Variants in MYO1D observed in about 807,000 individuals in gnomAD.
The protein encoded by MYO1D is myosin ID.
MYO1D carries 83 observed loss-of-function variants against 122.0 expected under a neutral mutation model. That is an observed-to-expected ratio of 0.68 (90% CI 0.57 to 0.82). The LOEUF (loss-of-function observed/expected upper bound fraction) is 0.82, where lower values mean the gene tolerates loss of function less well. Among genes scored for constraint, MYO1D ranks in the 40% least tolerant of loss-of-function variants. The pLI, the probability that MYO1D is intolerant of heterozygous loss-of-function variation, is 0.00. For synonymous variants in MYO1D, 464 were observed against 446.9 expected, an observed-to-expected ratio of 1.04 and a Z score of -0.48; for missense variants, 1,157 against 1,269.5, an observed-to-expected ratio of 0.91 and a Z score of 1.35.
chr17:32,676,956 G>A (rs1336172985), intron 16 of MYO1D, among the ~76,000 whole-genome samples: 1 of 151,736 alleles, frequency 6.6e-6, no homozygotes, highest in East Asian at 1.9e-4. Context: ...GACTACAGGC[G>A]CCCACCACCA....
intron 1 of MYO1D, among the ~76,000 whole-genome samples, chr17:32,791,816 A>T (rs1422620761): frequency 1.3e-5 from 2 of 152,208 alleles, no homozygotes; most frequent in Non-Finnish European, 2.9e-5. Flanking sequence ...TCTTAGTAAA[A>T]GACTCAAAAG....
Position 32,815,851 on chromosome 17 carries a change from A to G in MYO1D, c.96-35067T>C, listed in dbSNP as rs186801972. Among the ~76,000 whole-genome samples, 5 of 152,356 alleles carry G rather than the reference A, an allele frequency of 3.3e-5. No homozygotes were observed. In the East Asian group the frequency reaches 7.7e-4, roughly 23 times the overall value. ...CCCCAGTTTCTAGGTACATTTTCCTATGTAAATTTCGGGGTTGTATTCTCT... is the reference window on the plus strand; with the variant it reads ...CCCCAGTTTCTAGGTACATTTTCCTGTGTAAATTTCGGGGTTGTATTCTCT... On this transcript the variant is annotated intron_variant, in intron 1 of 21. Coordinates refer to ENST00000318217, the MANE Select transcript of MYO1D (RefSeq NM_015194.3).
At chr17:32,689,968 C>T (rs1319963488) in intron 16 of MYO1D, among the ~76,000 whole-genome samples, 1 of 151,992 alleles carries the variant, frequency 6.6e-6, no homozygotes, top group Non-Finnish European at 1.5e-5. Context: ...TCAGGTTATC[C>T]ACCCGCCACA....
chr17:32,644,646 T>A (rs1050711853), intron 19 of MYO1D, among the ~76,000 whole-genome samples: 1 of 152,250 alleles, frequency 6.6e-6, no homozygotes, highest in African/African-American at 2.4e-5. Flanking sequence ...TCTTGTTGAA[T>A]TGATCCCTTT....
chr17:32,527,607 A>G (rs1173839314), intron 21 of MYO1D, among the ~76,000 whole-genome samples: 1 of 151,906 alleles, frequency 6.6e-6, no homozygotes, highest in South Asian at 2.1e-4. Context: ...GGCCTGGGCA[A>G]CATAGTGAGA....
At chr17:32,857,876 G>A (rs935242010) in intron 1 of MYO1D, among the ~76,000 whole-genome samples, 3 of 151,996 alleles carry the variant, frequency 2.0e-5, no homozygotes, top group Non-Finnish European at 4.4e-5. Context: ...CTACTTTCGG[G>A]GGTTACATAT....
Position 32,695,635 on chromosome 17 carries a change from C to T in MYO1D, c.2121+16353G>A, listed in dbSNP as rs141404075. On this transcript the variant is annotated intron_variant, in intron 16 of 21. Transcript: ENST00000318217. The stretch of plus-strand genomic sequence containing the variant: ...CTGCTACAACAATGTAACAAATACC[C>T]CTATGCACAGCTGAGCTTGTAAGAA... Among the ~76,000 whole-genome samples the T allele has an allele frequency of 1.0e-3, 156 of 152,256 alleles. 1 individual carries two copies. The East Asian group carries it at 0.028, about 27-fold the overall frequency.
chr17:32,515,845 T>C (rs1909873520), intron 21 of MYO1D, among the ~76,000 whole-genome samples: 1 of 152,158 alleles, frequency 6.6e-6, no homozygotes, highest in Non-Finnish European at 1.5e-5. Flanking sequence ...AGAAACAAAT[T>C]GCCCACTTTC....
In MYO1D at chr17:32,560,491, G is replaced by T. The variant is rs1250221086; in HGVS notation, c.2864+44596C>A. On this transcript the variant is annotated intron_variant, in intron 21 of 21. Transcript: ENST00000318217. ...GCAAGAAAGAAATGTATGTTATGGA[G>T]ATATTTAAGTAAAAAAAAAGTAATA... 2.5e-5 allele frequency among the ~76,000 whole-genome samples: 3 copies of T among 120,058 alleles called. No individual in the cohort carries two copies. The East Asian group carries it at 7.7e-4, about 31-fold the overall frequency. The allele number at this position is 120,058 out of a possible 152,430, so 78.8% of individuals were successfully genotyped here. A position where few individuals can be genotyped will look rare whatever the true frequency, so the allele number is the denominator to read the frequency against.
intron 1 of MYO1D, among the ~76,000 whole-genome samples, chr17:32,785,113 G>A (rs1010087662): frequency 6.6e-6 from 1 of 152,128 alleles, no homozygotes; most frequent in Non-Finnish European, 1.5e-5. Context: ...GGGGAAACTG[G>A]ACAGAATCTT....
chr17:32,732,927 G>A (rs138428486), intron 14 of MYO1D, among the ~76,000 whole-genome samples: 6 of 152,320 alleles, frequency 3.9e-5, no homozygotes, highest in Non-Finnish European at 7.4e-5. Context: ...GGGCACCACT[G>A]CATTCCCCAG....
chr17:32,539,794 G>A (rs1473406379), intron 21 of MYO1D, among the ~76,000 whole-genome samples: 1 of 152,172 alleles, frequency 6.6e-6, no homozygotes, highest in Non-Finnish European at 1.5e-5. Flanking sequence ...ATTAGAACAT[G>A]AACATCTCTT....
rs781483463 is a variant in MYO1D, at chr17:32,721,143, G to T, written c.1793C>A (p.Pro598Gln). The change falls in exon 15 of 22, where the codon CCA becomes CAA. Residue 598 changes from proline to glutamine, a missense_variant. By Grantham distance (76) the Pro-to-Gln change is moderately conservative (BLOSUM62 -1). Coordinates refer to ENST00000318217, the MANE Select transcript of MYO1D (RefSeq NM_015194.3). Reference protein sequence around the residue: ...RCIKPNDKKSPQIFDDERCRH... With the variant: ...RCIKPNDKKSQQIFDDERCRH... ...GCAGCGTTCATCATCAAATATCTGT[G>T]GAGATTTCTTGTCATTGGGTTTGAT... 2 of 1,613,978 alleles carry T rather than the reference G, an allele frequency of 1.2e-6. No homozygotes were observed. The highest frequency in any genetic ancestry group is 2.2e-5 in the East Asian group (1 of 44,872).
In MYO1D at chr17:32,605,115, C is replaced by T. The variant is rs551988145; in HGVS notation, c.2836G>A (p.Val946Ile). Residue 946 changes from valine (V) to isoleucine (I), a missense_variant, in exon 21 of 22, where the codon GTT becomes ATT. Transcript: ENST00000318217. Reference sequence around the variant, plus strand: ...TTGAAATGATTCACCAGCACTCCAACAAGTTCTCCAATTCGACTCTCATGG... The same window carrying T: ...TTGAAATGATTCACCAGCACTCCAATAAGTTCTCCAATTCGACTCTCATGG... Reference protein sequence around the residue: ...PTHESRIGELVGVLVNHFKSE... With the variant: ...PTHESRIGELIGVLVNHFKSE... The T allele has an allele frequency of 6.2e-7, 1 of 1,602,126 alleles. No individual in the cohort carries two copies. Among genetic ancestry groups the T allele is most frequent in the East Asian group, 2.2e-5 (1 of 44,538 alleles).
At chr17:32,842,886 C>CTTTTTTTTTTTTT (rs34927176) in intron 1 of MYO1D, among the ~76,000 whole-genome samples, 2 of 104,458 alleles carry the variant, frequency 1.9e-5, no homozygotes, top group Admixed American at 1.1e-4. Flanking sequence ...CTATTTCTTT[C>CTTTTTTTTTTTTT]TTTTTTTTTT....
chr17:32,863,505 G>T (rs956259045), intron 1 of MYO1D, among the ~76,000 whole-genome samples: 1 of 152,208 alleles, frequency 6.6e-6, no homozygotes, highest in Non-Finnish European at 1.5e-5. Flanking sequence ...ATTAAGAGGG[G>T]AAAGGGAATT....
intron 21 of MYO1D, among the ~76,000 whole-genome samples, chr17:32,521,305 G>A (rs1301102552): frequency 6.6e-6 from 1 of 152,102 alleles, no homozygotes; most frequent in Non-Finnish European, 1.5e-5. Flanking sequence ...GGGAAGAGAA[G>A]GCTCAAAAAA....
At position 32,818,125 on chromosome 17, in the gene MYO1D, C is replaced by CA. The variant is rs58466009; in HGVS notation, c.96-37342dup. On this transcript the variant is annotated intron_variant, in intron 1 of 21. Transcript: ENST00000318217. Reference sequence around the variant, plus strand: ...TGGGCGACAGAGCGAGACTCCGTCTCAAAAAAAAAAAAAAAAAAAAGAGGT... The same window carrying CA: ...TGGGCGACAGAGCGAGACTCCGTCTCAAAAAAAAAAAAAAAAAAAAAGAGGT... Among the ~76,000 whole-genome samples the CA allele has an allele frequency of 6.5e-3, 298 of 45,886 alleles. 25 individuals carry two copies. The highest frequency in any genetic ancestry group is 0.017 in the South Asian group (20 of 1,190). The allele number at this position is 45,886 out of a possible 152,430, so 30.1% of individuals were successfully genotyped here.
At chr17:32,730,844 T>C (rs1291242967) in intron 14 of MYO1D, among the ~76,000 whole-genome samples, 1 of 152,102 alleles carries the variant, frequency 6.6e-6, no homozygotes, top group Non-Finnish European at 1.5e-5. Context: ...TCTATCCATT[T>C]TCTCTTCTAT....
Sources: allele counts gnomAD v4.1 joint callset (sites outside exome capture counted in the v4.1 genomes callset), GRCh38; gene constraint gnomAD v4.1.1; transcripts MANE v1.5; gene names NCBI Gene and HGNC (gene_info 2026-07-23, HGNC 2026-07-21).